GABRR2: variants seen among roughly 807,000 people sequenced by gnomAD.
GABRR2 encodes gamma-aminobutyric acid type A receptor subunit rho2.
In GABRR2, 36 loss-of-function variants were observed where a neutral mutation model predicts 47.0. That is an observed-to-expected ratio of 0.77 (90% confidence interval 0.59 to 1.01). GABRR2 has a LOEUF of 1.01. Among genes scored for constraint, GABRR2 ranks in the 50% least tolerant of loss-of-function variants. GABRR2 has a pLI of 0.00. For synonymous variants in GABRR2, 204 were observed against 227.5 expected (o/e 0.90, Z 0.93); for missense variants, 587 against 594.6 (o/e 0.99, Z 0.13).
Position 89,264,329 on chromosome 6 carries a change from C to A in GABRR2, c.1086+83G>T, listed in dbSNP as rs182412545. The A allele has an allele frequency of 8.7e-4, 1,255 of 1,449,986 alleles. 2 individuals carry two copies. Among genetic ancestry groups the A allele is most frequent in the Non-Finnish European group, 1.1e-3 (1,232 of 1,079,960 alleles). The allele number at this position is 1,449,986 out of a possible 1,614,324, so 89.8% of individuals were successfully genotyped here. A position where few individuals can be genotyped will look rare whatever the true frequency, so the allele number is the denominator to read the frequency against. ...ACATCTCCTTTTTCTACATGCAACC[C>A]CTGCCTCTGCCCCCTGGCCCAGAAG... On this transcript the variant is annotated intron_variant, in intron 8 of 8. Coordinates refer to ENST00000402938, the MANE Select transcript of GABRR2 (RefSeq NM_002043.5).
At chr6:89,286,181 T>C (rs58276136) in intron 2 of GABRR2, among the ~76,000 whole-genome samples, 5,054 of 152,270 alleles carry the variant, frequency 0.033, 284 homozygotes, top group African/African-American at 0.12. Flanking sequence ...AAATATTGTA[T>C]GATCACAGTT....
chr6:89,284,552 C>T (rs1248605017), intron 2 of GABRR2, among the ~76,000 whole-genome samples: 3 of 152,116 alleles, frequency 2.0e-5, no homozygotes, highest in African/African-American at 7.2e-5. Flanking sequence ...CAGAGTGATG[C>T]CATGTTTAAG....
intron 1 of GABRR2, among the ~76,000 whole-genome samples, chr6:89,300,790 A>C (rs901750232): frequency 6.7e-6 from 1 of 149,898 alleles, no homozygotes; most frequent in African/African-American, 2.4e-5. Context: ...ATATATTCAC[A>C]GCCAAATTCT....
intron 1 of GABRR2, 93 bp from the exon 2 acceptor site, chr6:89,299,958 TAG>T: frequency 3.7e-6 from 3 of 802,172 alleles, no homozygotes; most frequent in Non-Finnish European, 2.1e-6. Context: ...ATCTACCTGT[TAG>T]GTACCTTTTC....
At chr6:89,298,283 A>G (rs1448767484) in intron 2 of GABRR2, among the ~76,000 whole-genome samples, 1 of 152,224 alleles carries the variant, frequency 6.6e-6, no homozygotes, top group Non-Finnish European at 1.5e-5. Flanking sequence ...CTTCTGGGAT[A>G]AATTAATTTC....
intron 1 of GABRR2, among the ~76,000 whole-genome samples, chr6:89,307,050 A>T (rs899712127): frequency 6.6e-6 from 1 of 152,218 alleles, no homozygotes; most frequent in Non-Finnish European, 1.5e-5. Context: ...TGTAGCAGGC[A>T]TTCAATAAAA....
intron 2 of GABRR2, among the ~76,000 whole-genome samples, chr6:89,297,058 A>C (rs1273364783): frequency 6.6e-6 from 1 of 152,060 alleles, no homozygotes; most frequent in South Asian, 2.1e-4. Context: ...TAGCACCCAC[A>C]CTCGGTGCAC....
intron 2 of GABRR2, among the ~76,000 whole-genome samples, chr6:89,275,521 G>A (rs1006998194): frequency 1.3e-5 from 2 of 152,136 alleles, no homozygotes; most frequent in Admixed American, 6.5e-5. Context: ...TGATCCGCCC[G>A]CCTCAGCCTC....
intron 2 of GABRR2, among the ~76,000 whole-genome samples, chr6:89,279,788 T>C (rs1208361317): frequency 6.6e-6 from 1 of 152,196 alleles, no homozygotes; most frequent in East Asian, 1.9e-4. Flanking sequence ...TTCCCTCAGT[T>C]TCCTCATCTC....
At chr6:89,282,477 A>C (rs1774267312) in intron 2 of GABRR2, among the ~76,000 whole-genome samples, 1 of 152,242 alleles carries the variant, frequency 6.6e-6, no homozygotes, top group Non-Finnish European at 1.5e-5. Context: ...TCTTGCTATG[A>C]GAGCCCAGGG....
chr6:89,305,541 T>A (rs1190540016), intron 1 of GABRR2, among the ~76,000 whole-genome samples: 1 of 152,018 alleles, frequency 6.6e-6, no homozygotes, highest in African/African-American at 2.4e-5. Flanking sequence ...GGAAAATCAC[T>A]TGAGCCCAGG....
intron 1 of GABRR2, among the ~76,000 whole-genome samples, chr6:89,307,453 A>G (rs571744664): frequency 1.7e-4 from 26 of 152,296 alleles, no homozygotes; most frequent in African/African-American, 6.3e-4. Flanking sequence ...CCTAAATCCC[A>G]CCCCTAGAGA....
chr6:89,261,208 C>G (rs1273778406), intron 8 of GABRR2, among the ~76,000 whole-genome samples: 2 of 152,144 alleles, frequency 1.3e-5, no homozygotes, highest in Non-Finnish European at 2.9e-5. Context: ...ACAGGAAAGT[C>G]TAATGATTTA....
chr6:89,277,876 G>GT (rs1328165805), intron 2 of GABRR2, among the ~76,000 whole-genome samples: 1 of 130,178 alleles, frequency 7.7e-6, no homozygotes, highest in African/African-American at 2.8e-5. Context: ...GGTGGGGGGG[G>GT]GTGGGGGCTG....
At chr6:89,265,965 A>T (rs1183490013) in intron 6 of GABRR2, among the ~76,000 whole-genome samples, 200 bp from the exon 7 acceptor site, 1 of 152,192 alleles carries the variant, frequency 6.6e-6, no homozygotes, top group Non-Finnish European at 1.5e-5. Flanking sequence ...GCCAATATCT[A>T]GTACATTTAC....
At chr6:89,269,743 G>T (rs138781389) in intron 3 of GABRR2, among the ~76,000 whole-genome samples, 19 of 152,350 alleles carry the variant, frequency 1.2e-4, no homozygotes, top group Admixed American at 7.8e-4. Flanking sequence ...AGAATTTAGT[G>T]CCTGGCAAAG....
chr6:89,277,561 A>T, intron 2 of GABRR2, among the ~76,000 whole-genome samples: 1 of 152,094 alleles, frequency 6.6e-6, no homozygotes, highest in Non-Finnish European at 1.5e-5. Context: ...CAATAAACAT[A>T]TTTGTGTGAT....
rs1774060580 is a variant in GABRR2 at position 89,271,836 on chromosome 6, G to A, written c.221-114C>T. The A allele has an allele frequency of 5.1e-6, 4 of 778,302 alleles. No homozygotes were observed. The South Asian group carries it at 6.0e-5, about 12-fold the overall frequency. 48.2% of individuals were successfully genotyped at this position (778,302 alleles called of 1,614,324 possible). On this transcript the variant is annotated intron_variant, in intron 2 of 8. Coordinates refer to ENST00000402938, the MANE Select transcript of GABRR2 (RefSeq NM_002043.5). ...AGGACTGGAGCAGAGTAGGGCAGAG[G>A]TTTAGAATTCTATGAGGGTTTCTTG...
intron 6 of GABRR2, 21 bp from the exon 7 acceptor site, chr6:89,265,786 C>A: frequency 6.2e-7 from 1 of 1,611,958 alleles, no homozygotes; most frequent in Non-Finnish European, 8.5e-7. Context: ...CAGGAAGAAG[C>A]CAATGAGGTT....
Sources: gnomAD v4.1 joint callset for allele counts (sites outside exome capture counted in the v4.1 genomes callset) on GRCh38, gnomAD v4.1.1 for gene constraint, MANE v1.5 for transcripts, NCBI Gene and HGNC (gene_info 2026-07-23, HGNC 2026-07-21) for gene names.